PRKG1: variants seen among roughly 807,000 people sequenced by gnomAD.
PRKG1 encodes protein kinase cGMP-dependent 1.
In PRKG1, 35 loss-of-function variants were observed where a neutral mutation model predicts 88.1. The ratio of observed to expected loss-of-function variants is 0.40; its 90% CI spans 0.30 to 0.53. The LOEUF (loss-of-function observed/expected upper bound fraction) is 0.53. PRKG1 is among the 20% of genes least tolerant of loss of function. The pLI is 0.59. For synonymous variants in PRKG1, 303 were observed against 292.5 expected (o/e 1.04, Z -0.37); for missense variants, 540 against 839.8 (o/e 0.64, Z 4.41).
At chr10:51,291,466 G>A (rs1296528277) in intron 2 of PRKG1, among the ~76,000 whole-genome samples, 1 of 152,130 alleles carries the variant, frequency 6.6e-6, no homozygotes, top group Non-Finnish European at 1.5e-5. Flanking sequence ...CTTAGGTCCA[G>A]TTGAAAAGAG....
In PRKG1 at chr10:51,961,202, T is replaced by C. The variant is rs191167510; in HGVS notation, c.762+53632T>C. Among the ~76,000 whole-genome samples the C allele has an allele frequency of 6.6e-5, 10 of 152,250 alleles. No individual in the cohort carries two copies. In the East Asian group the frequency reaches 1.9e-3, roughly 29 times the overall value. Reference sequence around the variant, plus strand: ...TTGATATTGTGGGGGGAGGATTGGTTTCAGGATCCCCTTAAATACTAAAAT... The same window carrying C: ...TTGATATTGTGGGGGGAGGATTGGTCTCAGGATCCCCTTAAATACTAAAAT... On this transcript the variant is annotated intron_variant, in intron 5 of 17. Coordinates refer to ENST00000373980, the MANE Select transcript of PRKG1 (RefSeq NM_006258.4).
intron 5 of PRKG1, among the ~76,000 whole-genome samples, chr10:51,929,043 A>G (rs1223068578): frequency 1.3e-5 from 2 of 152,208 alleles, no homozygotes; most frequent in Non-Finnish European, 2.9e-5. Flanking sequence ...AACAATAACA[A>G]CAACCATACT....
intron 7 of PRKG1, among the ~76,000 whole-genome samples, chr10:52,101,951 G>C (rs564356801): frequency 6.6e-6 from 1 of 152,278 alleles, no homozygotes; most frequent in African/African-American, 2.4e-5. Flanking sequence ...ACTCTATTTT[G>C]TGCAAATGAA....
chr10:51,611,976 A>T (rs554696754), intron 3 of PRKG1, among the ~76,000 whole-genome samples: 19 of 150,606 alleles, frequency 1.3e-4, no homozygotes, highest in Admixed American at 6.0e-4. Flanking sequence ...TTGGTTTTCT[A>T]CTCTTTTCTA....
At chr10:51,152,583 G>A (rs1846101236) in intron 1 of PRKG1, among the ~76,000 whole-genome samples, 1 of 151,884 alleles carries the variant, frequency 6.6e-6, no homozygotes, top group Non-Finnish European at 1.5e-5. Flanking sequence ...ACTATTTATA[G>A]ATGACTGGCA....
intron 9 of PRKG1, among the ~76,000 whole-genome samples, chr10:52,192,514 A>G (rs146315719): frequency 5.3e-5 from 8 of 152,260 alleles, no homozygotes; most frequent in African/African-American, 1.9e-4. Context: ...GTTACAAACT[A>G]CATGTATGAT....
chr10:51,498,377 T>C (rs541780229), intron 3 of PRKG1, among the ~76,000 whole-genome samples: 6 of 152,228 alleles, frequency 3.9e-5, no homozygotes, highest in Non-Finnish European at 7.3e-5. Flanking sequence ...AATCTAGCTA[T>C]GTTTACATTT....
chr10:52,201,759 A>AT (rs1839675015), intron 9 of PRKG1, among the ~76,000 whole-genome samples: 1 of 151,904 alleles, frequency 6.6e-6, no homozygotes, highest in South Asian at 2.1e-4. Flanking sequence ...CTTTGTAGAG[A>AT]TCTTTCACCT....
intron 9 of PRKG1, among the ~76,000 whole-genome samples, chr10:52,208,072 A>G (rs1256650468): frequency 6.6e-6 from 1 of 152,180 alleles, no homozygotes; most frequent in East Asian, 1.9e-4. Flanking sequence ...TGAAGGCTAC[A>G]CTGTGAGGCA....
intron 2 of PRKG1, among the ~76,000 whole-genome samples, chr10:51,178,577 C>T (rs1330279445): frequency 1.3e-5 from 2 of 152,104 alleles, no homozygotes; most frequent in African/African-American, 4.8e-5. Context: ...GTCAAGGCTG[C>T]AGTGAGCTTT....
intron 5 of PRKG1, among the ~76,000 whole-genome samples, chr10:52,047,211 T>C (rs1845882083): frequency 6.6e-6 from 1 of 152,098 alleles, no homozygotes; most frequent in South Asian, 2.1e-4. Flanking sequence ...AAAATTTTCT[T>C]TTAGAGGATA....
At chr10:51,862,486 A>G (rs78470881) in intron 4 of PRKG1, among the ~76,000 whole-genome samples, 15,648 of 152,116 alleles carry the variant, frequency 0.1, 1,120 homozygotes, top group African/African-American at 0.19. Flanking sequence ...ACAAGAGGGG[A>G]CCTGAAGTGG....
intron 3 of PRKG1, among the ~76,000 whole-genome samples, chr10:51,704,261 A>T (rs1395044733): frequency 6.6e-6 from 1 of 152,108 alleles, no homozygotes; most frequent in African/African-American, 2.4e-5. Flanking sequence ...AGATAGATAG[A>T]TAGATAGATA....
At chr10:51,948,934 T>C (rs57044824) in intron 5 of PRKG1, among the ~76,000 whole-genome samples, 4,181 of 152,278 alleles carry the variant, frequency 0.027, 197 homozygotes, top group African/African-American at 0.095. Flanking sequence ...ATATGAACTA[T>C]TTGTGTGCAT....
At chr10:51,051,127 G>A (rs898901873) in intron 1 of PRKG1, among the ~76,000 whole-genome samples, 3 of 151,950 alleles carry the variant, frequency 2.0e-5, no homozygotes, top group African/African-American at 7.2e-5. Context: ...TTATTCTGTT[G>A]ATTGTTTTCT....
chr10:51,119,630 C>T (rs1484007606), intron 1 of PRKG1, among the ~76,000 whole-genome samples: 1 of 151,862 alleles, frequency 6.6e-6, no homozygotes, highest in Non-Finnish European at 1.5e-5. Context: ...GGACATAATT[C>T]CAACACTAAC....
At chr10:51,809,345 G>A (rs183078862) in intron 4 of PRKG1, among the ~76,000 whole-genome samples, 453 of 151,600 alleles carry the variant, frequency 3.0e-3, no homozygotes, top group Non-Finnish European at 5.0e-3. Flanking sequence ...ATTGCTATAA[G>A]TCAAACGATG....
chr10:51,327,382 A>G (rs1036157662), intron 2 of PRKG1, among the ~76,000 whole-genome samples: 2 of 150,466 alleles, frequency 1.3e-5, no homozygotes, highest in African/African-American at 4.9e-5. Context: ...GCACCACTGT[A>G]CTCCAGTCTG....
chr10:52,033,479 C>T lies in PRKG1; in HGVS notation c.763-21005C>T, dbSNP rs144106504. On this transcript the variant is annotated intron_variant, in intron 5 of 17. Coordinates refer to ENST00000373980, the MANE Select transcript of PRKG1 (RefSeq NM_006258.4). ...TCTCTTTCTGGGTTCCATTGCTAAG[C>T]GAGCTATTTTTTATGGACTATGTTT... 1.2e-4 allele frequency among the ~76,000 whole-genome samples: 19 copies of T among 152,222 alleles called. No individual in the cohort carries two copies. The East Asian group carries it at 3.3e-3, about 26-fold the overall frequency.
Sources: allele counts gnomAD v4.1 joint callset (sites outside exome capture counted in the v4.1 genomes callset), GRCh38; gene constraint gnomAD v4.1.1; transcripts MANE v1.5; gene names NCBI Gene and HGNC (gene_info 2026-07-23, HGNC 2026-07-21).